The following HS3ST4 variants were observed in gnomAD, a reference collection of about 807,000 sequenced individuals.
The protein encoded by HS3ST4 is heparan sulfate-glucosamine 3-sulfotransferase 4.
In HS3ST4, 17 loss-of-function variants were observed where a neutral mutation model predicts 29.2. The observed-to-expected ratio is 0.58, with a 90% CI of 0.40 to 0.87. HS3ST4 has a LOEUF of 0.87. HS3ST4 is among the 40% of genes least tolerant of loss of function. HS3ST4 has a pLI of 0.00. For missense variants in HS3ST4, 627 were observed against 634.5 expected, an observed-to-expected ratio of 0.99 and a Z score of 0.13; for synonymous variants, 314 against 285.7, an observed-to-expected ratio of 1.10 and a Z score of -1.00.
chr16:26,128,756 G>A lies in HS3ST4; in HGVS notation c.735-6856G>A, dbSNP rs745862208. Among the ~76,000 whole-genome samples the A allele has an allele frequency of 5.3e-5, 8 of 152,166 alleles. No individual in the cohort carries two copies. In the South Asian group the frequency reaches 6.2e-4, roughly 12 times the overall value. ...TATAATGGGCTCAGTGAATTGTATG[G>A]TACTTGTGAGACTTAACTAGGATAA... On this transcript the variant is annotated intron_variant, in intron 1 of 1. Transcript: ENST00000331351.
chr16:25,987,707 G>A (rs1427517892), intron 1 of HS3ST4, among the ~76,000 whole-genome samples: 2 of 152,156 alleles, frequency 1.3e-5, no homozygotes, highest in African/African-American at 2.4e-5. Context: ...ATTCTGTGGA[G>A]TCCTACCTGG....
chr16:26,002,606 A>G (rs897584411), intron 1 of HS3ST4, among the ~76,000 whole-genome samples: 2 of 151,608 alleles, frequency 1.3e-5, no homozygotes, highest in Admixed American at 6.6e-5. Context: ...GACACTGCCA[A>G]ATAGTAAAAA....
intron 1 of HS3ST4, among the ~76,000 whole-genome samples, chr16:25,889,552 G>T (rs1367483114): frequency 6.6e-6 from 1 of 152,156 alleles, no homozygotes; most frequent in African/African-American, 2.4e-5. Flanking sequence ...GATTCTTAGT[G>T]GGATTTTAGG....
rs911451914 is a variant in HS3ST4 at position 25,840,653 on chromosome 16, T to G, written c.734+147502T>G. Among the ~76,000 whole-genome samples the G allele has an allele frequency of 3.3e-5, 5 of 152,224 alleles. No individual in the cohort carries two copies. In the East Asian group the frequency reaches 9.6e-4, roughly 29 times the overall value. On this transcript the variant is annotated intron_variant, in intron 1 of 1. Coordinates refer to ENST00000331351, the MANE Select transcript of HS3ST4 (RefSeq NM_006040.3). ...TACAATGGATCATTAATTCATTTTA[T>G]GAGGACCTTAATGTTTTGAGCACTG... is the stretch of plus-strand genomic sequence containing the variant.
chr16:25,727,297 C>T (rs1054743607), intron 1 of HS3ST4, among the ~76,000 whole-genome samples: 6 of 151,920 alleles, frequency 3.9e-5, no homozygotes, highest in Middle Eastern at 3.2e-3. Context: ...AATGCAGTTA[C>T]GGAAAAGAAT....
chr16:26,032,090 C>T (rs994413726), intron 1 of HS3ST4, among the ~76,000 whole-genome samples: 28 of 152,298 alleles, frequency 1.8e-4, no homozygotes, highest in African/African-American at 6.5e-4. Flanking sequence ...CTGGAAAGTC[C>T]AGATTGCCTG....
chr16:26,079,049 C>T (rs1898697330), intron 1 of HS3ST4, among the ~76,000 whole-genome samples: 1 of 152,164 alleles, frequency 6.6e-6, no homozygotes, highest in Non-Finnish European at 1.5e-5. Flanking sequence ...GGGGCTCTTC[C>T]CAGGAACTTC....
At chr16:26,059,308 C>T (rs117404282) in intron 1 of HS3ST4, among the ~76,000 whole-genome samples, 7 of 152,066 alleles carry the variant, frequency 4.6e-5, no homozygotes, top group South Asian at 2.1e-4. Flanking sequence ...CTTCCCTCCC[C>T]TCCTCTCTCC....
chr16:26,095,167 G>A (rs1898907604), intron 1 of HS3ST4, among the ~76,000 whole-genome samples: 1 of 152,036 alleles, frequency 6.6e-6, no homozygotes. Context: ...AATAATAATG[G>A]GAGACTTTAA....
At chr16:25,944,688 T>A (rs1408412088) in intron 1 of HS3ST4, among the ~76,000 whole-genome samples, 3 of 152,178 alleles carry the variant, frequency 2.0e-5, no homozygotes, top group Non-Finnish European at 4.4e-5. Context: ...ATGGGTGTTT[T>A]TCTTCTCCCA....
chr16:25,828,311 T>TTTCC (rs1567249566), intron 1 of HS3ST4, among the ~76,000 whole-genome samples: 83 of 117,392 alleles, frequency 7.1e-4, no homozygotes, highest in Non-Finnish European at 9.8e-4. Context: ...CCTCTCTCTC[T>TTTCC]CTCTCTCTCT....
rs376371880 is a variant in HS3ST4, at chr16:25,857,494, C to T, written c.734+164343C>T. ...TATATTTTTCTTTTATACACTTCTG[C>T]GTATGATTGGCTTATAGTTTGCTTC... On this transcript the variant is annotated intron_variant, in intron 1 of 1. Coordinates refer to ENST00000331351, the MANE Select transcript of HS3ST4 (RefSeq NM_006040.3). Among the ~76,000 whole-genome samples the T allele has an allele frequency of 3.2e-4, 49 of 152,226 alleles. No individual in the cohort carries two copies. In the South Asian group the frequency reaches 9.8e-3, roughly 30 times the overall value.
chr16:25,842,812 C>G (rs1271357703), intron 1 of HS3ST4, among the ~76,000 whole-genome samples: 1 of 152,114 alleles, frequency 6.6e-6, no homozygotes, highest in East Asian at 1.9e-4. Flanking sequence ...TGTACTGGCT[C>G]CACTGTTTGC....
rs114868499 is a variant in HS3ST4, at chr16:25,935,848, G to A, written c.735-199764G>A. ...GAGACATTTATGTGAAATCTCCCAC[G>A]TTAAAAAAAAGTCAAGTTAAAAAAA... On this transcript the variant is annotated intron_variant, in intron 1 of 1. Transcript: ENST00000331351. 7.6e-3 allele frequency among the ~76,000 whole-genome samples: 1,157 copies of A among 151,906 alleles called. 17 individuals are homozygous for A. Among genetic ancestry groups the A allele is most frequent in the African/African-American group, 0.027 (1,100 of 41,414 alleles).
At chr16:26,086,724 A>G (rs9989395) in intron 1 of HS3ST4, among the ~76,000 whole-genome samples, 92,439 of 152,118 alleles carry the variant, frequency 0.61, 28,882 homozygotes, top group African/African-American at 0.72. Context: ...TTTGATGAAT[A>G]AATGAAATGC....
intron 1 of HS3ST4, among the ~76,000 whole-genome samples, chr16:25,793,120 T>C (rs1449332371): frequency 3.9e-5 from 6 of 151,932 alleles, no homozygotes; most frequent in African/African-American, 1.4e-4. Flanking sequence ...TTAATTCTAA[T>C]ATAATCAAAT....
chr16:25,943,606 T>G (rs1352438251), intron 1 of HS3ST4, among the ~76,000 whole-genome samples: 1 of 152,218 alleles, frequency 6.6e-6, no homozygotes, highest in Non-Finnish European at 1.5e-5. Context: ...AAAATTATTC[T>G]TGTAAAGTAC....
intron 1 of HS3ST4, among the ~76,000 whole-genome samples, chr16:26,093,435 G>A (rs540162884): frequency 2.6e-5 from 4 of 152,334 alleles, no homozygotes; most frequent in East Asian, 3.9e-4. Flanking sequence ...AATATTTGCT[G>A]TTCTGCAGCC....
At chr16:25,897,966 T>G (rs1252147537) in intron 1 of HS3ST4, among the ~76,000 whole-genome samples, 1 of 152,194 alleles carries the variant, frequency 6.6e-6, no homozygotes, top group Non-Finnish European at 1.5e-5. Context: ...TGGGGATTTT[T>G]ATGTGTGTGT....
Sources: gnomAD v4.1 joint callset for allele counts (sites outside exome capture counted in the v4.1 genomes callset) on GRCh38, gnomAD v4.1.1 for gene constraint, MANE v1.5 for transcripts, NCBI Gene and HGNC (gene_info 2026-07-23, HGNC 2026-07-21) for gene names.